The following GRID2 variants were observed in gnomAD, a reference collection of about 807,000 sequenced individuals.
GRID2 encodes the protein glutamate receptor ionotropic, delta-2.
In GRID2, 33 loss-of-function variants were observed where a neutral mutation model predicts 114.8. The ratio of observed to expected loss-of-function variants is 0.29; its 90% CI spans 0.22 to 0.38. GRID2 has a LOEUF of 0.38. Ranked by LOEUF, GRID2 falls within the 10% of genes least tolerant of loss-of-function variation. The probability of loss-of-function intolerance (pLI) is 1.00; values close to 1 mark genes in which losing one functional copy is unlikely to be tolerated. For missense variants in GRID2, 1,184 were observed against 1,257.7 expected (o/e 0.94, Z 0.89); for synonymous variants, 505 against 449.9 (o/e 1.12, Z -1.55).
chr4:92,880,063 T>G (rs1745900392), intron 2 of GRID2, among the ~76,000 whole-genome samples: 1 of 152,226 alleles, frequency 6.6e-6, no homozygotes, highest in African/African-American at 2.4e-5. Flanking sequence ...TCAGAATTTT[T>G]TACAGAACTC....
chr4:92,712,205 A>G (rs900095283), intron 2 of GRID2, among the ~76,000 whole-genome samples: 7 of 152,316 alleles, frequency 4.6e-5, no homozygotes, highest in African/African-American at 1.2e-4. Context: ...TGAGTTATTC[A>G]TATTGCTAAT....
intron 8 of GRID2, among the ~76,000 whole-genome samples, chr4:93,335,756 C>T (rs1468044634): frequency 1.4e-5 from 2 of 147,686 alleles, no homozygotes; most frequent in South Asian, 2.1e-4. Flanking sequence ...AGTGCAGTGG[C>T]ATGACAATCA....
At chr4:93,079,098 T>C (rs1432890743) in intron 2 of GRID2, among the ~76,000 whole-genome samples, 2 of 151,512 alleles carry the variant, frequency 1.3e-5, no homozygotes, top group African/African-American at 2.4e-5. Context: ...GCTGATCAAA[T>C]GATAAAATGT....
At chr4:93,086,974 T>C (rs1730377790) in intron 3 of GRID2, among the ~76,000 whole-genome samples, 1 of 152,090 alleles carries the variant, frequency 6.6e-6, no homozygotes, top group Admixed American at 6.5e-5. Flanking sequence ...ACAGTAACTT[T>C]ATTTAAGCGG....
intron 2 of GRID2, among the ~76,000 whole-genome samples, chr4:92,700,775 G>C (rs564688583): frequency 1.3e-5 from 2 of 152,212 alleles, no homozygotes; most frequent in South Asian, 4.1e-4. Context: ...GGTGAATCAC[G>C]AGGTCAGGAG....
chr4:93,397,647 G>A (rs912481149), intron 9 of GRID2, among the ~76,000 whole-genome samples: 4 of 151,854 alleles, frequency 2.6e-5, no homozygotes, highest in Non-Finnish European at 4.4e-5. Context: ...GAGAAAAACA[G>A]CTCAGATTGA....
chr4:93,563,828 A>G (rs544484909), intron 13 of GRID2, among the ~76,000 whole-genome samples: 4 of 152,092 alleles, frequency 2.6e-5, no homozygotes, highest in African/African-American at 9.6e-5. Context: ...ATTTTTATTT[A>G]TCAGATTTAG....
chr4:93,593,042 A>T (rs921796898), intron 13 of GRID2, among the ~76,000 whole-genome samples: 1 of 151,864 alleles, frequency 6.6e-6, no homozygotes, highest in Admixed American at 6.6e-5. Flanking sequence ...TAATTGGAGA[A>T]TTTAGTCCAT....
At chr4:93,449,079 A>C (rs1722438261) in intron 10 of GRID2, among the ~76,000 whole-genome samples, 1 of 150,942 alleles carries the variant, frequency 6.6e-6, no homozygotes, top group African/African-American at 2.4e-5. Context: ...GCAAACCTGG[A>C]ATCTTTACAT....
chr4:92,509,643 A>C (rs1016204981), intron 1 of GRID2, among the ~76,000 whole-genome samples: 1 of 151,972 alleles, frequency 6.6e-6, no homozygotes, highest in African/African-American at 2.4e-5. Flanking sequence ...AAGGACATTG[A>C]GGTAGAGTAG....
chr4:92,330,608 T>C (rs1237905282), intron 1 of GRID2, among the ~76,000 whole-genome samples: 1 of 152,170 alleles, frequency 6.6e-6, no homozygotes, highest in Non-Finnish European at 1.5e-5. Context: ...TCTTATTCAT[T>C]ATTCCAAAAA....
At chr4:93,805,310 G>A (rs375586258) in intron 1 of GRID2, among the ~76,000 whole-genome samples, 3 of 152,178 alleles carry the variant, frequency 2.0e-5, no homozygotes, top group African/African-American at 7.2e-5. Context: ...TTTAAAACTT[G>A]TATAATTAAA....
At chr4:93,657,256 A>G (rs945567805) in intron 14 of GRID2, among the ~76,000 whole-genome samples, 1 of 152,142 alleles carries the variant, frequency 6.6e-6, no homozygotes, top group Non-Finnish European at 1.5e-5. Context: ...ATTGGTAGAA[A>G]CTCACTTTAT....
chr4:93,227,443 G>A (rs541323888), intron 7 of GRID2, among the ~76,000 whole-genome samples: 29 of 152,044 alleles, frequency 1.9e-4, no homozygotes, highest in Admixed American at 5.2e-4. Context: ...TGGCCAGGCC[G>A]TTCTTGATCT....
chr4:92,629,667 A>G (rs1730692857), intron 2 of GRID2, among the ~76,000 whole-genome samples: 3 of 152,048 alleles, frequency 2.0e-5, no homozygotes, highest in Admixed American at 2.0e-4. Flanking sequence ...GTTAGTGTGT[A>G]TATGGGAAAA....
rs186241817 is a variant in GRID2, at chr4:93,175,832, C to A, written c.736-31572C>A. On this transcript the variant is annotated intron_variant, in intron 4 of 15. Transcript: ENST00000282020. ...AACAGCTATTTTGAGGAGCCTGGTT[C>A]TCTAGGAGGTGAGAAGCTGTCCCAG... Among the ~76,000 whole-genome samples the A allele has an allele frequency of 4.2e-4, 64 of 152,256 alleles. 3 individuals are homozygous for A. The highest frequency in any genetic ancestry group is 4.2e-3 in the Admixed American group (64 of 15,294).
chr4:92,557,199 A>G (rs1315146823), intron 1 of GRID2, among the ~76,000 whole-genome samples: 1 of 152,040 alleles, frequency 6.6e-6, no homozygotes, highest in African/African-American at 2.4e-5. Flanking sequence ...AGCTTTTACT[A>G]TTTTTTAAAT....
At chr4:92,960,460 T>C (rs1752726079) in intron 2 of GRID2, among the ~76,000 whole-genome samples, 1 of 152,070 alleles carries the variant, frequency 6.6e-6, no homozygotes, top group Non-Finnish European at 1.5e-5. Flanking sequence ...AGTATGTACA[T>C]ATTAAGGACT....
intron 2 of GRID2, among the ~76,000 whole-genome samples, chr4:92,791,356 C>T (rs1388357019): frequency 6.6e-6 from 1 of 151,564 alleles, no homozygotes; most frequent in Non-Finnish European, 1.5e-5. Context: ...GGAATACCTT[C>T]CTCTTAGGGC....
Sources: allele counts gnomAD v4.1 joint callset (sites outside exome capture counted in the v4.1 genomes callset), GRCh38; gene constraint gnomAD v4.1.1; transcripts MANE v1.5; gene names NCBI Gene and HGNC (gene_info 2026-07-23, HGNC 2026-07-21).